The following COL4A4 variants were observed in gnomAD, a reference collection of about 807,000 sequenced individuals.
COL4A4 encodes collagen type IV alpha 4 chain.
Under a neutral mutation model 192.9 loss-of-function variants are expected in COL4A4, and 105 were observed. That is an observed-to-expected ratio of 0.54 (90% CI 0.46 to 0.64). COL4A4 has a LOEUF of 0.64. COL4A4 is among the 30% of genes least tolerant of loss of function. The pLI, the probability that COL4A4 is intolerant of heterozygous loss-of-function variation, is 0.00. For missense variants in COL4A4, 1,967 were observed against 2,169.3 expected, an observed-to-expected ratio of 0.91 and a Z score of 1.85; for synonymous variants, 762 against 769.9, an observed-to-expected ratio of 0.99 and a Z score of 0.17.
chr2:227,094,946 T>C (rs1280429360), intron 19 of COL4A4, among the ~76,000 whole-genome samples: 1 of 152,172 alleles, frequency 6.6e-6, no homozygotes, highest in East Asian at 1.9e-4. Flanking sequence ...CAGAACAGAT[T>C]ACTAGCCGTA....
chr2:226,976,078 AT>A, the COL4A4 span, among the ~76,000 whole-genome samples: 1 of 151,524 alleles, frequency 6.6e-6, no homozygotes, highest in East Asian at 1.9e-4. Context: ...TGCAGTATGG[AT>A]TGGAGCAGAG....
chr2:227,014,334 T>TC (rs1434285268), intron 44 of COL4A4, among the ~76,000 whole-genome samples: 1 of 152,044 alleles, frequency 6.6e-6, no homozygotes, highest in Non-Finnish European at 1.5e-5. Context: ...TTTCTAGAAG[T>TC]CCCCAGGTGA....
intron 25 of COL4A4, among the ~76,000 whole-genome samples, chr2:227,070,982 G>A (rs944550568): frequency 6.6e-6 from 1 of 151,840 alleles, no homozygotes; most frequent in Non-Finnish European, 1.5e-5. Flanking sequence ...GAACTCACAC[G>A]GCCTATAATA....
chr2:227,071,523 T>C (rs2058721526), intron 25 of COL4A4, among the ~76,000 whole-genome samples: 1 of 151,802 alleles, frequency 6.6e-6, no homozygotes, highest in African/African-American at 2.4e-5. Flanking sequence ...AAACAATGGA[T>C]GTAAGTGACA....
intron 4 of COL4A4, among the ~76,000 whole-genome samples, chr2:227,125,844 T>C (rs552403364): frequency 6.6e-6 from 1 of 152,224 alleles, no homozygotes; most frequent in African/African-American, 2.4e-5. Context: ...TATCATACCC[T>C]CTTCACTTGT....
chr2:227,103,562 A>T (rs958134833), intron 13 of COL4A4, among the ~76,000 whole-genome samples: 1 of 152,268 alleles, frequency 6.6e-6, no homozygotes, highest in Admixed American at 6.5e-5. Context: ...GGTAGCTGAC[A>T]GAGGAATTAA....
intron 24 of COL4A4, among the ~76,000 whole-genome samples, chr2:227,079,884 C>T (rs961319592): frequency 5.9e-5 from 9 of 152,170 alleles, no homozygotes; most frequent in Non-Finnish European, 1.0e-4. Context: ...ATCTCATCCT[C>T]TTCTTTTATG....
In COL4A4 at chr2:227,118,754, G is replaced by C. The variant is rs779972153; in HGVS notation, c.380C>G (p.Pro127Arg). ...TTTGCCTCTGGGTCCAGGAGGCCCT[G>C]GGTGCCCCTGCAGAAAACAAAATTA... The part of the protein sequence containing the change: ...FPGLDGIPGH[P>R]GPPGPRGKPG... The change falls in exon 7 of 48, where the codon CCA becomes CGA. Residue 127 changes from proline to arginine, a missense_variant. Pro to Arg is a moderately radical substitution (Grantham distance 103). Coordinates refer to ENST00000396625, the MANE Select transcript of COL4A4 (RefSeq NM_000092.5). 6.2e-6 allele frequency: 10 copies of C among 1,612,308 alleles called. No homozygotes were observed. The African/African-American group carries it at 1.2e-4, about 19-fold the overall frequency.
rs543020099 is a variant in COL4A4 at position 227,129,511 on chromosome 2, C to T, written c.193-8363G>A. Among the ~76,000 whole-genome samples the T allele has an allele frequency of 4.0e-5, 6 of 151,740 alleles. No homozygotes were observed. The South Asian group carries it at 1.2e-3, about 32-fold the overall frequency. ...TGCAACCTCTGCCTCCCAGTTCAAG[C>T]AATTCTCCTGCCTCAGCCTCCCAAG... On this transcript the variant is annotated intron_variant, in intron 4 of 47. Transcript: ENST00000396625.
chr2:227,045,891 TATTTA>T (rs1559488718), intron 35 of COL4A4, among the ~76,000 whole-genome samples: 7 of 107,748 alleles, frequency 6.5e-5, no homozygotes, highest in Non-Finnish European at 9.4e-5. Flanking sequence ...TATGTATATA[TATTTA>T]GATAGTATAT....
At chr2:227,142,107 A>G (rs1166311593) in intron 3 of COL4A4, among the ~76,000 whole-genome samples, 1 of 151,094 alleles carries the variant, frequency 6.6e-6, no homozygotes, top group Non-Finnish European at 1.5e-5. Context: ...CAAAAAAAAA[A>G]AAAAAAAAAA....
the COL4A4 span, among the ~76,000 whole-genome samples, chr2:226,977,490 C>T: frequency 1.3e-5 from 2 of 152,128 alleles, no homozygotes; most frequent in Non-Finnish European, 2.9e-5. Context: ...GAAAGGCGAG[C>T]AAAGTTCACA....
rs2061009994 is a variant in COL4A4 at position 227,108,849 on chromosome 2, C to T, written c.677G>A (p.Gly226Glu). Reference protein sequence around the residue: ...PGLVGPPGQPGRPGLKGNPGV... With the variant: ...PGLVGPPGQPERPGLKGNPGV... ...ACTGCCTACCTTCAAACCTGGACGC[C>T]CTGGTTGGCCCGGAGGTCCCTAAAT... The change falls in exon 11 of 48, where the codon GGG becomes GAG. Residue 226 changes from glycine (G) to glutamate (E), a missense_variant. Transcript: ENST00000396625. 1 of 1,611,780 alleles carries T rather than the reference C, an allele frequency of 6.2e-7. No homozygotes were observed. The highest frequency in any genetic ancestry group is 1.3e-5 in the African/African-American group (1 of 74,846).
intron 44 of COL4A4, among the ~76,000 whole-genome samples, chr2:227,014,671 T>C (rs1286167651): frequency 2.0e-5 from 3 of 152,152 alleles, no homozygotes; most frequent in Non-Finnish European, 4.4e-5. Flanking sequence ...TATGAACATA[T>C]GTCATCTACT....
intron 19 of COL4A4, among the ~76,000 whole-genome samples, chr2:227,097,708 C>T (rs769220310): frequency 6.6e-6 from 1 of 152,212 alleles, no homozygotes; most frequent in African/African-American, 2.4e-5. Context: ...TAGGCCAAGG[C>T]TGTGCTATCT....
intron 24 of COL4A4, among the ~76,000 whole-genome samples, chr2:227,079,933 C>A (rs139567083): frequency 6.6e-6 from 1 of 152,148 alleles, no homozygotes; most frequent in East Asian, 1.9e-4. Flanking sequence ...ATCCACCCAA[C>A]GCATGTCTGA....
chr2:227,145,750 T>C (rs2063508617), intron 2 of COL4A4, among the ~76,000 whole-genome samples: 1 of 152,192 alleles, frequency 6.6e-6, no homozygotes, highest in South Asian at 2.1e-4. Flanking sequence ...CGACAGACAC[T>C]ACAGATGTTT....
At chr2:227,098,336 G>A (rs2060316259) in intron 19 of COL4A4, among the ~76,000 whole-genome samples, 1 of 152,128 alleles carries the variant, frequency 6.6e-6, no homozygotes, top group South Asian at 2.1e-4. Flanking sequence ...TAACTTTGTG[G>A]GAGGCCTGTT....
chr2:226,980,829 T>C, the COL4A4 span, among the ~76,000 whole-genome samples: 59 of 152,372 alleles, frequency 3.9e-4, no homozygotes, highest in African/African-American at 1.3e-3. Flanking sequence ...TCTGGAGTTT[T>C]CTTTTTCTGT....
Sources: allele counts gnomAD v4.1 joint callset (sites outside exome capture counted in the v4.1 genomes callset), GRCh38; gene constraint gnomAD v4.1.1; transcripts MANE v1.5; gene names NCBI Gene and HGNC (gene_info 2026-07-23, HGNC 2026-07-21).